Variants in PSPC1 observed in about 807,000 individuals in gnomAD.
PSPC1 encodes the protein paraspeckle component 1, also known as paraspeckle protein 1.
Under a neutral mutation model 51.6 loss-of-function variants are expected in PSPC1, and 14 were observed. That is an observed-to-expected ratio of 0.27 (90% CI 0.18 to 0.42). The LOEUF is 0.42. Among genes scored for constraint, PSPC1 ranks in the 10% least tolerant of loss-of-function variants. The pLI, the probability that PSPC1 is intolerant of heterozygous loss-of-function variation, is 1.00. For synonymous variants in PSPC1, 193 were observed against 231.9 expected, an observed-to-expected ratio of 0.83 and a Z score of 1.53; for missense variants, 406 against 701.1, an observed-to-expected ratio of 0.58 and a Z score of 4.75.
intron 4 of PSPC1, among the ~76,000 whole-genome samples, chr13:19,747,954 C>T (rs921158980): frequency 3.9e-5 from 6 of 152,208 alleles, no homozygotes; most frequent in South Asian, 2.1e-4. Flanking sequence ...TGGCTTATGC[C>T]TGTAATCCCA....
chr13:19,707,063 T>C (rs543334625), intron 7 of PSPC1, among the ~76,000 whole-genome samples: 11 of 152,210 alleles, frequency 7.2e-5, no homozygotes, highest in Middle Eastern at 3.4e-3. Context: ...ATAAGAACAG[T>C]ATCTAAGAGG....
intron 6 of PSPC1, among the ~76,000 whole-genome samples, chr13:19,728,880 A>T (rs1883697374): frequency 6.6e-6 from 1 of 152,186 alleles, no homozygotes; most frequent in South Asian, 2.1e-4. Flanking sequence ...ATCTACCATA[A>T]ATACTAATTT....
chr13:19,714,339 TAACTTC>T (rs1228590000), intron 6 of PSPC1, among the ~76,000 whole-genome samples: 1 of 152,188 alleles, frequency 6.6e-6, no homozygotes, highest in African/African-American at 2.4e-5. Context: ...TGAAGACATG[TAACTTC>T]TTTTTAATTT....
downstream of PSPC1, chr13:19,672,967 G>A (rs202089265): frequency 7.5e-6 from 3 of 400,502 alleles, no homozygotes; most frequent in East Asian, 2.1e-4. Flanking sequence ...GAGGTGAAAG[G>A]ATTGCTTGAG....
At chr13:19,781,078 T>TC (rs1889908277) in intron 1 of PSPC1, among the ~76,000 whole-genome samples, 1 of 150,950 alleles carries the variant, frequency 6.6e-6, no homozygotes, top group African/African-American at 2.4e-5. Flanking sequence ...TGGGAGAACT[T>TC]CTTGAGCCCA....
chr13:19,761,960 G>T (rs1887636882), intron 2 of PSPC1, among the ~76,000 whole-genome samples: 1 of 152,156 alleles, frequency 6.6e-6, no homozygotes, highest in Non-Finnish European at 1.5e-5. Flanking sequence ...GAACTAAGCA[G>T]ATGATATGTC....
At chr13:19,764,429 AC>A (rs1887867887) in intron 2 of PSPC1, among the ~76,000 whole-genome samples, 1 of 152,138 alleles carries the variant, frequency 6.6e-6, no homozygotes, top group Non-Finnish European at 1.5e-5. Flanking sequence ...ATTATATATA[AC>A]ATCAACTACG....
chr13:19,752,538 A>G (rs1375938334), intron 3 of PSPC1, among the ~76,000 whole-genome samples: 1 of 152,072 alleles, frequency 6.6e-6, no homozygotes, highest in East Asian at 1.9e-4. Flanking sequence ...TACAGGTACA[A>G]GACACCACAC....
chr13:19,686,699 A>G (rs536424688), intron 6 of PSPC1, among the ~76,000 whole-genome samples: 108 of 152,324 alleles, frequency 7.1e-4, no homozygotes, highest in South Asian at 4.1e-3. Context: ...ATAGTATTTG[A>G]AGGCTGTTGA....
At chr13:19,679,153 A>G (rs1431458822) in intron 6 of PSPC1, 2 of 152,204 alleles carry the variant, frequency 1.3e-5, no homozygotes, top group African/African-American at 2.4e-5. Context: ...CTTGTATGCA[A>G]GCTCTGAATT....
chr13:19,686,198 G>GA (rs1206235029), intron 6 of PSPC1, among the ~76,000 whole-genome samples: 2 of 151,898 alleles, frequency 1.3e-5, no homozygotes, highest in African/African-American at 4.8e-5. Flanking sequence ...TTTATTCAGG[G>GA]AAAAAAAATT....
chr13:19,691,535 G>A (rs1171974206), intron 6 of PSPC1, among the ~76,000 whole-genome samples: 2 of 152,046 alleles, frequency 1.3e-5, no homozygotes, highest in African/African-American at 4.8e-5. Flanking sequence ...AAAAGACAAA[G>A]TAGGCACAAC....
At chr13:19,672,002 T>C (rs1876157787), downstream of PSPC1, 2 of 927,290 alleles carry the variant, frequency 2.2e-6, no homozygotes, top group East Asian at 5.1e-5. Flanking sequence ...GTTAAGCCTG[T>C]TGTCTGTTGT....
In PSPC1 at chr13:19,782,266, G is replaced by GC. The variant is rs1004868537; in HGVS notation, c.372+119dup. ...CGCACAGAGGAATCGATGAGGCCGA[G>GC]CGGCGCCACGGTTGCCACAGGTTGA... On this transcript the variant is annotated intron_variant, in intron 1 of 8. Transcript: ENST00000338910. This position sits in a 1 kb window ranked among gnomAD's most constrained non-coding sequence, Gnocchi z 4.5. The GC allele has an allele frequency of 3.8e-5, 53 of 1,393,608 alleles. No homozygotes were observed. Among genetic ancestry groups the GC allele is most frequent in the Non-Finnish European group, 4.9e-5 (52 of 1,066,764 alleles). The allele number at this position is 1,393,608 out of a possible 1,614,324, so 86.3% of individuals were successfully genotyped here.
At chr13:19,728,934 C>T (rs1263532820) in intron 6 of PSPC1, among the ~76,000 whole-genome samples, 3 of 152,096 alleles carry the variant, frequency 2.0e-5, no homozygotes, top group African/African-American at 4.8e-5. Context: ...CAGGTTTCCA[C>T]AGACACTATA....
chr13:19,716,648 A>T (rs2137822303), intron 6 of PSPC1, among the ~76,000 whole-genome samples: 1 of 152,342 alleles, frequency 6.6e-6, no homozygotes, highest in African/African-American at 2.4e-5. Context: ...AGAACATTTA[A>T]ATCCACTAAA....
chr13:19,718,829 G>A (rs1882427509), intron 6 of PSPC1, among the ~76,000 whole-genome samples: 1 of 152,222 alleles, frequency 6.6e-6, no homozygotes, highest in Admixed American at 6.5e-5. Flanking sequence ...AAGACATAGA[G>A]GAAATTTAAA....
At chr13:19,730,966 A>AAC (rs1555236488) in intron 5 of PSPC1, among the ~76,000 whole-genome samples, 1 of 25,550 alleles carries the variant, frequency 3.9e-5, no homozygotes, top group East Asian at 2.3e-3. Flanking sequence ...ACAAAAAAAC[A>AAC]AAAAAAAAAA....
At position 19,717,656 on chromosome 13, in the gene PSPC1, T is replaced by G. The variant is rs146739488; in HGVS notation, c.1159-8057A>C. On this transcript the variant is annotated intron_variant, in intron 6 of 8. Transcript: ENST00000338910. ...AGAAGGTGGAGGCTGCAATGAGCCA[T>G]GATAACACCACTGCTCTCTAGCCTG... is the stretch of plus-strand genomic sequence containing the variant. Among the ~76,000 whole-genome samples, 294 of 140,614 alleles carry G rather than the reference T, an allele frequency of 2.1e-3. 1 individual carries two copies. Among genetic ancestry groups the G allele is most frequent in the Non-Finnish European group, 2.7e-3 (177 of 66,534 alleles). 92.2% of individuals were successfully genotyped at this position (140,614 alleles called of 152,430 possible). A position where few individuals can be genotyped will look rare whatever the true frequency, so the allele number is the denominator to read the frequency against.
Sources: allele counts gnomAD v4.1 joint callset (sites outside exome capture counted in the v4.1 genomes callset), GRCh38; gene constraint gnomAD v4.1.1; non-coding constraint Gnocchi (gnomAD v3.1); transcripts MANE v1.5; gene names NCBI Gene and HGNC (gene_info 2026-07-23, HGNC 2026-07-21).